Variants in DAB1 observed in about 807,000 individuals in gnomAD.
DAB1 encodes the protein disabled homolog 1.
A neutral mutation model predicts 64.6 loss-of-function variants in DAB1; 15 were observed. The ratio of observed to expected loss-of-function variants is 0.23; its 90% CI spans 0.16 to 0.36. The LOEUF is 0.36. Among genes scored for constraint, DAB1 ranks in the 10% least tolerant of loss-of-function variants. The probability of loss-of-function intolerance (pLI) is 1.00; values close to 1 mark genes in which losing one functional copy is unlikely to be tolerated. For missense variants in DAB1, 596 were observed against 706.7 expected (o/e 0.84, Z 1.78); for synonymous variants, 235 against 251.9 (o/e 0.93, Z 0.64).
intron 4 of DAB1, among the ~76,000 whole-genome samples, chr1:58,298,466 T>G (rs934199682): frequency 6.6e-6 from 1 of 152,226 alleles, no homozygotes; most frequent in Non-Finnish European, 1.5e-5. Context: ...AAACAAATTA[T>G]CAACACTATA....
intron 5 of DAB1, chr1:58,048,083 A>T (rs998912922): frequency 2.7e-6 from 2 of 747,844 alleles, no homozygotes; most frequent in African/African-American, 3.4e-5. Context: ...CCCTGCCACC[A>T]CTGTGTTTGG....
chr1:57,928,162 TG>T (rs1644905770), intron 5 of DAB1, among the ~76,000 whole-genome samples: 1 of 152,192 alleles, frequency 6.6e-6, no homozygotes, highest in African/African-American at 2.4e-5. Flanking sequence ...ATACAGCACT[TG>T]CACGATCAAA....
chr1:57,096,681 C>G (rs1295364149), intron 4 of DAB1, among the ~76,000 whole-genome samples: 1 of 152,278 alleles, frequency 6.6e-6, no homozygotes, highest in East Asian at 1.9e-4. Flanking sequence ...TCATGTCACC[C>G]TCTTTCACAG....
chr1:57,148,941 C>T lies in DAB1; in HGVS notation c.68-3512G>A, dbSNP rs1659404184. Among the ~76,000 whole-genome samples, 6 of 152,196 alleles carry T rather than the reference C, an allele frequency of 3.9e-5. No individual in the cohort carries two copies. In the South Asian group the frequency reaches 1.2e-3, roughly 32 times the overall value. On this transcript the variant is annotated intron_variant, in intron 2 of 14. Coordinates refer to ENST00000371236, the MANE Select transcript of DAB1 (RefSeq NM_001365792.1). ...AGAATTGTATAACCATCACCACTATCTAATTTTGGAACATTTTTGTCATCC... is the reference window on the plus strand; with the variant it reads ...AGAATTGTATAACCATCACCACTATTTAATTTTGGAACATTTTTGTCATCC...
chr1:58,010,196 C>T (rs376058879), intron 5 of DAB1, among the ~76,000 whole-genome samples: 20 of 152,248 alleles, frequency 1.3e-4, no homozygotes, highest in Admixed American at 6.5e-4. Flanking sequence ...ATCCTCATAA[C>T]GGCCCTATAA....
chr1:57,940,663 T>C (rs1379679460), intron 5 of DAB1, among the ~76,000 whole-genome samples: 3 of 152,226 alleles, frequency 2.0e-5, no homozygotes, highest in Non-Finnish European at 4.4e-5. Flanking sequence ...CCAGTGCCAC[T>C]GCTCCAGGGA....
At chr1:57,592,190 T>C (rs957994010) in intron 7 of DAB1, among the ~76,000 whole-genome samples, 3 of 152,180 alleles carry the variant, frequency 2.0e-5, no homozygotes, top group Admixed American at 2.0e-4. Flanking sequence ...AGAAGGACTC[T>C]GAGGAGAAAG....
chr1:57,227,490 A>G (rs1229727903), intron 2 of DAB1, among the ~76,000 whole-genome samples: 1 of 151,568 alleles, frequency 6.6e-6, no homozygotes, highest in Non-Finnish European at 1.5e-5. Flanking sequence ...ATGACTAGGG[A>G]AAGAAGTGGA....
rs546122305 is a variant in DAB1 at position 58,312,573 on chromosome 1, G to A, written n.309+30779C>T. Among the ~76,000 whole-genome samples, 7 of 152,260 alleles carry A rather than the reference G, an allele frequency of 4.6e-5. No individual in the cohort carries two copies. In the South Asian group the frequency reaches 6.2e-4, roughly 14 times the overall value. ...AACATTCTGGAACCTGTAAGAACTCGGTCAGAAATGGGAGGTTCAGAATAT... is the reference window on the plus strand; with the variant it reads ...AACATTCTGGAACCTGTAAGAACTCAGTCAGAAATGGGAGGTTCAGAATAT... On this transcript the variant is annotated intron_variant and non_coding_transcript_variant, in intron 4 of 20. Transcript: ENST00000485760.
At chr1:58,267,674 G>A (rs1383236761) in intron 4 of DAB1, among the ~76,000 whole-genome samples, 2 of 152,264 alleles carry the variant, frequency 1.3e-5, no homozygotes, top group African/African-American at 2.4e-5. Flanking sequence ...AATGCTGAGC[G>A]AACATCAGTA....
At chr1:57,325,954 G>A (rs1338995882) in intron 1 of DAB1, among the ~76,000 whole-genome samples, 1 of 152,012 alleles carries the variant, frequency 6.6e-6, no homozygotes, top group Non-Finnish European at 1.5e-5. Context: ...AAATGAATTC[G>A]ACTAAGTAAT....
At chr1:57,011,419 TTC>T in intron 12 of DAB1, 147 bp from the exon 13 acceptor site, 1 of 991,544 alleles carries the variant, frequency 1.0e-6, no homozygotes. Flanking sequence ...AATATTTGAA[TTC>T]TCTCTCTGTA....
intron 7 of DAB1, among the ~76,000 whole-genome samples, chr1:57,513,508 A>C (rs1159852646): frequency 6.6e-6 from 1 of 152,196 alleles, no homozygotes; most frequent in East Asian, 1.9e-4. Flanking sequence ...CCCAAGAAAG[A>C]AAAAGATAGG....
intron 5 of DAB1, among the ~76,000 whole-genome samples, chr1:57,946,682 G>A (rs1021649122): frequency 2.0e-5 from 3 of 152,214 alleles, no homozygotes; most frequent in Non-Finnish European, 4.4e-5. Flanking sequence ...TCTCCACAAA[G>A]CCACCTGTCT....
intron 5 of DAB1, chr1:58,048,224 T>C (rs1466113080): frequency 3.2e-6 from 4 of 1,260,672 alleles, no homozygotes; most frequent in Non-Finnish European, 4.6e-6. Flanking sequence ...GGAACCGCCA[T>C]AGCCACCTTG....
At chr1:58,473,181 A>AG (rs1645380038) in intron 3 of DAB1, among the ~76,000 whole-genome samples, 1 of 152,198 alleles carries the variant, frequency 6.6e-6, no homozygotes, top group Admixed American at 6.5e-5. Context: ...TGCAAGGCCA[A>AG]GGTAAGTCTT....
intron 1 of DAB1, among the ~76,000 whole-genome samples, chr1:57,838,372 T>C (rs1039923852): frequency 3.9e-5 from 6 of 152,168 alleles, no homozygotes; most frequent in African/African-American, 1.2e-4. Context: ...TTGGGTGGCA[T>C]AAATATGGGT....
rs569808208 is a variant in DAB1, at chr1:58,495,068, A to C, written n.257+10992T>G. On this transcript the variant is annotated intron_variant and non_coding_transcript_variant, in intron 3 of 20. Transcript: ENST00000485760. ...GATTAAGAAAATGTGGCACATATAC[A>C]GCATGGAATACTATGCAGCCATAAA... Among the ~76,000 whole-genome samples, 5 of 152,332 alleles carry C rather than the reference A, an allele frequency of 3.3e-5. No homozygotes were observed. The South Asian group carries it at 1.0e-3, about 32-fold the overall frequency.
chr1:57,113,535 C>T (rs1179604230), intron 4 of DAB1, among the ~76,000 whole-genome samples: 5 of 152,124 alleles, frequency 3.3e-5, no homozygotes, highest in African/African-American at 1.2e-4. Context: ...CTTTATAGTG[C>T]AAAAGCAGCC....
Sources: allele counts gnomAD v4.1 joint callset (sites outside exome capture counted in the v4.1 genomes callset), GRCh38; gene constraint gnomAD v4.1.1; transcripts MANE v1.5; gene names NCBI Gene and HGNC (gene_info 2026-07-23, HGNC 2026-07-21).